The following EPB41L2 variants were observed in gnomAD, a reference collection of about 807,000 sequenced individuals.
The protein encoded by EPB41L2 is erythrocyte membrane protein band 4.1 like 2.
A neutral mutation model predicts 113.0 loss-of-function variants in EPB41L2; 43 were observed. That is an observed-to-expected ratio of 0.38 (90% CI 0.30 to 0.49). EPB41L2 has a LOEUF of 0.49. Among genes scored for constraint, EPB41L2 ranks in the 20% least tolerant of loss-of-function variants. EPB41L2 has a pLI of 0.95. For missense variants in EPB41L2, 1,147 were observed against 1,223.4 expected (o/e 0.94, Z 0.93); for synonymous variants, 442 against 436.7 (o/e 1.01, Z -0.15).
intron 1 of EPB41L2, among the ~76,000 whole-genome samples, chr6:131,038,544 T>C (rs954253614): frequency 6.6e-6 from 1 of 152,192 alleles, no homozygotes; most frequent in Non-Finnish European, 1.5e-5. Flanking sequence ...ATAAAAATAA[T>C]CTTGTAAAGT....
At chr6:130,897,524 T>TA (rs1157437262) in intron 8 of EPB41L2, among the ~76,000 whole-genome samples, 1 of 152,184 alleles carries the variant, frequency 6.6e-6, no homozygotes, top group Non-Finnish European at 1.5e-5. Flanking sequence ...CCTGAAACCT[T>TA]ACATACAGCA....
intron 2 of EPB41L2, among the ~76,000 whole-genome samples, chr6:130,955,592 T>C (rs1362951438): frequency 6.6e-6 from 1 of 152,196 alleles, no homozygotes; most frequent in Non-Finnish European, 1.5e-5. Flanking sequence ...TCTCAAATAA[T>C]AACATTTCCA....
chr6:131,053,445 A>T (rs1797003575), intron 1 of EPB41L2, among the ~76,000 whole-genome samples: 1 of 150,350 alleles, frequency 6.7e-6, no homozygotes, highest in African/African-American at 2.5e-5. Flanking sequence ...AAAAAAAAAA[A>T]AAAAAAAAAA....
intron 1 of EPB41L2, among the ~76,000 whole-genome samples, chr6:131,044,188 A>C (rs1300062920): frequency 6.6e-6 from 1 of 151,840 alleles, no homozygotes; most frequent in Non-Finnish European, 1.5e-5. Flanking sequence ...TGCCTAACTA[A>C]GTTTACTTTG....
chr6:130,967,348 T>C (rs1173175315), intron 1 of EPB41L2, among the ~76,000 whole-genome samples: 4 of 152,212 alleles, frequency 2.6e-5, no homozygotes, highest in Non-Finnish European at 5.9e-5. Flanking sequence ...GGGCTCATGT[T>C]GTTCAAGAGT....
chr6:130,945,450 G>A (rs1404997480), intron 3 of EPB41L2, among the ~76,000 whole-genome samples: 2 of 152,104 alleles, frequency 1.3e-5, no homozygotes, highest in African/African-American at 2.4e-5. Flanking sequence ...AAGAAAAAAC[G>A]GTACTGACAT....
chr6:131,003,616 C>T (rs2128715632), intron 1 of EPB41L2, among the ~76,000 whole-genome samples: 1 of 152,274 alleles, frequency 6.6e-6, no homozygotes, highest in South Asian at 2.1e-4. Flanking sequence ...ACAAAAACCT[C>T]TTGGGAGTGA....
intron 1 of EPB41L2, among the ~76,000 whole-genome samples, chr6:131,046,791 C>G (rs1159407570): frequency 6.6e-6 from 1 of 152,156 alleles, no homozygotes; most frequent in Non-Finnish European, 1.5e-5. Context: ...ATAACTAAAG[C>G]TGGTAAAGGA....
intron 3 of EPB41L2, among the ~76,000 whole-genome samples, chr6:130,950,407 A>G (rs1389206542): frequency 1.3e-5 from 2 of 152,224 alleles, no homozygotes; most frequent in Middle Eastern, 3.2e-3. Flanking sequence ...AATATTATGA[A>G]AACCTTCATG....
chr6:131,037,195 A>G (rs1400996432), intron 1 of EPB41L2, among the ~76,000 whole-genome samples: 1 of 152,238 alleles, frequency 6.6e-6, no homozygotes, highest in African/African-American at 2.4e-5. Context: ...TCATTCCACA[A>G]GCATCTACAG....
At chr6:130,862,718 G>T (rs1297209002) in intron 18 of EPB41L2, among the ~76,000 whole-genome samples, 1 of 152,098 alleles carries the variant, frequency 6.6e-6, no homozygotes, top group Non-Finnish European at 1.5e-5. Flanking sequence ...CAAAAAAATT[G>T]GGAGTAATTT....
In EPB41L2 at chr6:130,954,236, G is replaced by A. The variant is rs1461943750; in HGVS notation, c.705+869C>T. On this transcript the variant is annotated intron_variant, in intron 3 of 19. Transcript: ENST00000337057. ...CCTGGCTAATTTTTTTGTATTTTTA[G>A]TAGAGACAGGGTTTCACCATGTTAG... 2.6e-5 allele frequency among the ~76,000 whole-genome samples: 4 copies of A among 151,574 alleles called. No homozygotes were observed. The East Asian group carries it at 5.8e-4, about 22-fold the overall frequency.
At chr6:130,996,618 T>C (rs947796011) in intron 1 of EPB41L2, among the ~76,000 whole-genome samples, 2 of 152,214 alleles carry the variant, frequency 1.3e-5, no homozygotes, top group Non-Finnish European at 2.9e-5. Context: ...GAATGCCCTA[T>C]AGATTAACAC....
rs185044526 is a variant in EPB41L2, at chr6:130,975,591, C to T, written c.-14-19092G>A. ...AAAAGACAATGAGGAAGAAGAATTC[C>T]TTTTGGTTATCTCACTTCTGCTCAT... On this transcript the variant is annotated intron_variant, in intron 1 of 19. Transcript: ENST00000337057. 9.2e-5 allele frequency among the ~76,000 whole-genome samples: 14 copies of T among 152,266 alleles called. No individual in the cohort carries two copies. In the East Asian group the frequency reaches 2.7e-3, roughly 29 times the overall value.
At chr6:130,908,735 A>G (rs1798458120) in intron 5 of EPB41L2, 86 bp downstream of exon 5, 1 of 1,047,886 alleles carries the variant, frequency 9.5e-7, no homozygotes, top group African/African-American at 1.6e-5. Flanking sequence ...TGCAAAATAG[A>G]ACTGACCATT....
intron 4 of EPB41L2, among the ~76,000 whole-genome samples, chr6:130,909,119 G>A (rs1204163358): frequency 6.6e-6 from 1 of 152,122 alleles, no homozygotes. Flanking sequence ...TCATTCTCCT[G>A]CATCTAAAAT....
intron 4 of EPB41L2, among the ~76,000 whole-genome samples, chr6:130,911,144 G>T (rs1014346667): frequency 6.6e-6 from 1 of 152,194 alleles, no homozygotes; most frequent in Admixed American, 6.5e-5. Flanking sequence ...ATCAATGATA[G>T]ACTGGATAAA....
intron 1 of EPB41L2, among the ~76,000 whole-genome samples, chr6:131,043,691 A>G (rs1794878453): frequency 6.6e-6 from 1 of 152,240 alleles, no homozygotes; most frequent in Non-Finnish European, 1.5e-5. Flanking sequence ...ATAAGAGACT[A>G]TGAAAGAAAC....
chr6:130,951,278 GA>G (rs1814887816), intron 3 of EPB41L2, among the ~76,000 whole-genome samples: 1 of 130,594 alleles, frequency 7.7e-6, no homozygotes, highest in Non-Finnish European at 1.6e-5. Context: ...GGGAGGGGGG[GA>G]GGGGAGGAGA....
Sources: allele counts gnomAD v4.1 joint callset (sites outside exome capture counted in the v4.1 genomes callset), GRCh38; gene constraint gnomAD v4.1.1; transcripts MANE v1.5; gene names NCBI Gene and HGNC (gene_info 2026-07-23, HGNC 2026-07-21).